XRCC4: variants seen among roughly 807,000 people sequenced by gnomAD.
The protein encoded by XRCC4 is X-ray repair cross complementing 4.
Under a neutral mutation model 39.1 loss-of-function variants are expected in XRCC4, and 28 were observed. The ratio of observed to expected loss-of-function variants is 0.72; its 90% CI spans 0.53 to 0.98. The LOEUF is 0.98. Among genes scored for constraint, XRCC4 ranks in the 50% least tolerant of loss-of-function variants. The probability of loss-of-function intolerance (pLI) is 0.00; values close to 1 mark genes in which losing one functional copy is unlikely to be tolerated. For synonymous variants in XRCC4, 123 were observed against 126.4 expected, an observed-to-expected ratio of 0.97 and a Z score of 0.18; for missense variants, 350 against 376.4, an observed-to-expected ratio of 0.93 and a Z score of 0.58.
At chr5:83,364,053 C>G in the XRCC4 span, among the ~76,000 whole-genome samples, 1 of 152,172 alleles carries the variant, frequency 6.6e-6, no homozygotes, top group East Asian at 1.9e-4. Flanking sequence ...ACACTGGTAC[C>G]ATTCAATGAA....
At chr5:83,241,514 G>A (rs148835558) in intron 6 of XRCC4, among the ~76,000 whole-genome samples, 242 of 151,954 alleles carry the variant, frequency 1.6e-3, no homozygotes, top group African/African-American at 5.4e-3. Flanking sequence ...GAGGAAAAAA[G>A]TCCACCTTTC....
chr5:83,219,309 G>A (rs536384581), intron 6 of XRCC4, among the ~76,000 whole-genome samples: 1 of 151,844 alleles, frequency 6.6e-6, no homozygotes, highest in Admixed American at 6.6e-5. Context: ...GGGTGTGTTG[G>A]GGGGTGAGGG....
chr5:83,142,536 C>A (rs957651105), intron 3 of XRCC4, among the ~76,000 whole-genome samples: 2 of 152,024 alleles, frequency 1.3e-5, no homozygotes, highest in African/African-American at 4.8e-5. Context: ...CTTGATATTC[C>A]AGGTATAAAA....
chr5:83,266,747 G>T (rs1043191137), intron 7 of XRCC4, among the ~76,000 whole-genome samples: 10 of 151,992 alleles, frequency 6.6e-5, no homozygotes, highest in African/African-American at 2.4e-4. Context: ...TATTTCTCTA[G>T]ATCAAATATG....
At chr5:83,187,323 G>T (rs2974450) in intron 3 of XRCC4, among the ~76,000 whole-genome samples, 69,094 of 151,256 alleles carry the variant, frequency 0.46, 16,303 homozygotes, top group South Asian at 0.52. Flanking sequence ...CCAGGAACGT[G>T]TCTCTAATTT....
At position 83,331,867 on chromosome 5, in the gene XRCC4, G is replaced by C. The variant is rs569910272; in HGVS notation, c.894-21264G>C. Reference sequence around the variant, plus strand: ...ATCATAAGGATAATAGAGCAAAGCAGCAGCAGAAGAGTTGATATCTGAACA... The same window carrying C: ...ATCATAAGGATAATAGAGCAAAGCACCAGCAGAAGAGTTGATATCTGAACA... On this transcript the variant is annotated intron_variant, in intron 7 of 7. Coordinates refer to ENST00000396027, the MANE Select transcript of XRCC4 (RefSeq NM_003401.5). 3.3e-5 allele frequency among the ~76,000 whole-genome samples: 5 copies of C among 152,248 alleles called. No homozygotes were observed. In the South Asian group the frequency reaches 1.0e-3, roughly 32 times the overall value.
intron 7 of XRCC4, among the ~76,000 whole-genome samples, chr5:83,331,461 T>A (rs1756435310): frequency 6.6e-6 from 1 of 152,022 alleles, no homozygotes; most frequent in Non-Finnish European, 1.5e-5. Flanking sequence ...GGAAATTAGT[T>A]CAGACACTTT....
intron 6 of XRCC4, among the ~76,000 whole-genome samples, chr5:83,220,974 G>T (rs1752061626): frequency 1.3e-5 from 2 of 152,004 alleles, no homozygotes; most frequent in Admixed American, 1.3e-4. Context: ...ACAGGGCATT[G>T]GTTTCCTGAT....
At chr5:83,157,514 AG>A (rs1749019976) in intron 3 of XRCC4, among the ~76,000 whole-genome samples, 1 of 152,156 alleles carries the variant, frequency 6.6e-6, no homozygotes, top group South Asian at 2.1e-4. Flanking sequence ...AACATGAAAC[AG>A]GTTTGAGAAA....
At chr5:83,087,891 C>T (rs558936440) in intron 1 of XRCC4, among the ~76,000 whole-genome samples, 3 of 152,180 alleles carry the variant, frequency 2.0e-5, no homozygotes, top group African/African-American at 7.2e-5. Context: ...TCTGATGTTT[C>T]ACTGGGCAGT....
At position 83,280,266 on chromosome 5, in the gene XRCC4, A is replaced by G. The variant is rs1754489593; in HGVS notation, c.893+21589A>G. On this transcript the variant is annotated intron_variant, in intron 7 of 7. Coordinates refer to ENST00000396027, the MANE Select transcript of XRCC4 (RefSeq NM_003401.5). ...ACCCAATTTCTAATTGTGTTTTACAATATCCGGATGTCTTTGATACTACAT... is the reference window on the plus strand; with the variant it reads ...ACCCAATTTCTAATTGTGTTTTACAGTATCCGGATGTCTTTGATACTACAT... The G allele has an allele frequency of 1.4e-5, 5 of 352,178 alleles. No homozygotes were observed. The South Asian group carries it at 1.5e-4, about 10-fold the overall frequency. The allele number at this position is 352,178 out of a possible 1,614,324, so 21.8% of individuals were successfully genotyped here. A position where few individuals can be genotyped will look rare whatever the true frequency, so the allele number is the denominator to read the frequency against.
chr5:83,110,135 T>A (rs1746376402), intron 2 of XRCC4, among the ~76,000 whole-genome samples: 1 of 152,016 alleles, frequency 6.6e-6, no homozygotes, highest in Non-Finnish European at 1.5e-5. Flanking sequence ...AGACCACTTC[T>A]TCCCAGAGCA....
chr5:83,305,205 T>G (rs1226331569), intron 7 of XRCC4, among the ~76,000 whole-genome samples: 1 of 152,138 alleles, frequency 6.6e-6, no homozygotes, highest in Non-Finnish European at 1.5e-5. Flanking sequence ...TATTAAAATC[T>G]TACATCAGTG....
chr5:83,236,452 A>G (rs1024718832), intron 6 of XRCC4, among the ~76,000 whole-genome samples: 3 of 152,296 alleles, frequency 2.0e-5, no homozygotes, highest in African/African-American at 7.2e-5. Flanking sequence ...AAAGGTCACC[A>G]AGAACATACA....
At chr5:83,185,372 A>C (rs1012257747) in intron 3 of XRCC4, among the ~76,000 whole-genome samples, 4 of 150,870 alleles carry the variant, frequency 2.7e-5, no homozygotes, top group Non-Finnish European at 5.9e-5. Flanking sequence ...CATTAAAAAA[A>C]AAAAACAACA....
At chr5:83,280,222 T>C in intron 7 of XRCC4, 1 of 316,318 alleles carries the variant, frequency 3.2e-6, no homozygotes, top group Non-Finnish European at 6.3e-6. Context: ...TGATGTATAT[T>C]GCCCCAACAC....
rs977883978 is a variant in XRCC4 at position 83,248,871 on chromosome 5, A to T, written c.746-9659A>T. Among the ~76,000 whole-genome samples the T allele has an allele frequency of 1.1e-4, 16 of 152,296 alleles. No homozygotes were observed. The South Asian group carries it at 3.3e-3, about 32-fold the overall frequency. ...TTTTTGTTGAAAATTTTGAAAAATC[A>T]TAAGTAACATGAAGTGGTACAACAT... On this transcript the variant is annotated intron_variant, in intron 6 of 7. Transcript: ENST00000396027.
chr5:83,347,882 A>C (rs1311229007), intron 7 of XRCC4, among the ~76,000 whole-genome samples: 1 of 152,198 alleles, frequency 6.6e-6, no homozygotes, highest in Non-Finnish European at 1.5e-5. Flanking sequence ...GATTACAAGC[A>C]TTGGGTAAGT....
chr5:83,185,422 T>TTATATA (rs67640834), intron 3 of XRCC4, among the ~76,000 whole-genome samples: 52 of 146,150 alleles, frequency 3.6e-4, no homozygotes, highest in African/African-American at 1.3e-3. Context: ...AAAGTATGTA[T>TTATATA]TATATATATA....
Sources: gnomAD v4.1 joint callset for allele counts (sites outside exome capture counted in the v4.1 genomes callset) on GRCh38, gnomAD v4.1.1 for gene constraint, MANE v1.5 for transcripts, NCBI Gene and HGNC (gene_info 2026-07-23, HGNC 2026-07-21) for gene names.